Variants in SIPA1L1 observed in about 807,000 individuals in gnomAD.
The protein encoded by SIPA1L1 is signal-induced proliferation-associated 1-like protein 1.
SIPA1L1 carries 26 observed loss-of-function variants against 162.7 expected under a neutral mutation model. The observed-to-expected ratio is 0.16, with a 90% CI of 0.12 to 0.22. The LOEUF (loss-of-function observed/expected upper bound fraction) is 0.22. Among genes scored for constraint, SIPA1L1 ranks in the 10% least tolerant of loss-of-function variants. SIPA1L1 has a pLI of 1.00. For synonymous variants in SIPA1L1, 829 were observed against 837.4 expected, an observed-to-expected ratio of 0.99 and a Z score of 0.17; for missense variants, 1,874 against 2,241.0, an observed-to-expected ratio of 0.84 and a Z score of 3.31.
intron 2 of SIPA1L1, among the ~76,000 whole-genome samples, chr14:71,347,329 A>G (rs1350844961): frequency 6.6e-6 from 1 of 152,076 alleles, no homozygotes; most frequent in Admixed American, 6.6e-5. Context: ...AGCATATATC[A>G]TACTTTATTT....
chr14:71,526,075 T>C (rs997824606), intron 3 of SIPA1L1, among the ~76,000 whole-genome samples: 5 of 152,214 alleles, frequency 3.3e-5, no homozygotes, highest in Non-Finnish European at 7.3e-5. Context: ...GAACTTGCTT[T>C]GTGAGGGCAC....
At chr14:71,712,760 TA>T (rs1205658716) in intron 17 of SIPA1L1, among the ~76,000 whole-genome samples, 1 of 152,220 alleles carries the variant, frequency 6.6e-6, no homozygotes, top group Non-Finnish European at 1.5e-5. Context: ...ATGAGAAAGC[TA>T]AAAACCCTAC....
chr14:71,448,651 A>G (rs2045587592), intron 2 of SIPA1L1: 2 of 151,844 alleles, frequency 1.3e-5, no homozygotes, highest in South Asian at 2.1e-4. Context: ...TAGCCAAGAG[A>G]CTCTTCATAA....
chr14:71,349,100 G>A (rs1268736592), intron 2 of SIPA1L1, among the ~76,000 whole-genome samples: 1 of 152,202 alleles, frequency 6.6e-6, no homozygotes, highest in Non-Finnish European at 1.5e-5. Flanking sequence ...TATATATGAC[G>A]TGGGAGCTTT....
chr14:71,387,765 TTAACCAGCATCG>T (rs548490332), intron 2 of SIPA1L1, among the ~76,000 whole-genome samples: 176 of 152,360 alleles, frequency 1.2e-3, no homozygotes, highest in African/African-American at 4.0e-3. Context: ...AGGAAACTAC[TTAACCAGCATCG>T]TAACCCTTCG....
At chr14:71,618,955 C>G (rs1232496546) in intron 6 of SIPA1L1, 68 bp downstream of exon 6, 2 of 1,537,058 alleles carry the variant, frequency 1.3e-6, no homozygotes, top group Non-Finnish European at 1.8e-6. Context: ...GTAGCAGTAG[C>G]AAAGCAATTA....
At chr14:71,345,512 G>A (rs1203834914) in intron 2 of SIPA1L1, among the ~76,000 whole-genome samples, 1 of 151,648 alleles carries the variant, frequency 6.6e-6, no homozygotes, top group African/African-American at 2.4e-5. Context: ...TTCTGTATTT[G>A]CTTCATTAGA....
At chr14:71,620,957 G>T (rs182307002) in intron 6 of SIPA1L1, among the ~76,000 whole-genome samples, 7 of 152,118 alleles carry the variant, frequency 4.6e-5, no homozygotes, top group African/African-American at 1.7e-4. Flanking sequence ...TGTTTTTTAC[G>T]TTCAAATTAA....
intron 5 of SIPA1L1, among the ~76,000 whole-genome samples, 198 bp from the exon 6 acceptor site, chr14:71,618,559 A>T (rs545918950): frequency 2.9e-4 from 44 of 152,332 alleles, no homozygotes; most frequent in African/African-American, 9.4e-4. Flanking sequence ...ACCCGTGTTC[A>T]GTGTTATCTT....
chr14:71,363,478 C>T (rs1045630604), intron 2 of SIPA1L1, among the ~76,000 whole-genome samples: 1 of 152,088 alleles, frequency 6.6e-6, no homozygotes, highest in African/African-American at 2.4e-5. Flanking sequence ...CAAGTGAAAA[C>T]ATATTTTAGA....
At chr14:71,730,029 TC>T (rs1566751411) in intron 19 of SIPA1L1, 25 bp from the exon 20 acceptor site, 1 of 1,603,042 alleles carries the variant, frequency 6.2e-7, no homozygotes, top group African/African-American at 1.3e-5. Flanking sequence ...AAATTGACTT[TC>T]TTTTGTCTTG....
At chr14:71,735,598 A>G in intron 22 of SIPA1L1, 1 of 493,868 alleles carries the variant, frequency 2.0e-6, no homozygotes, top group Non-Finnish European at 3.6e-6. Context: ...ATACGGCCAT[A>G]ATGATGAATA....
At chr14:71,370,291 C>A (rs1262388694) in intron 2 of SIPA1L1, among the ~76,000 whole-genome samples, 2 of 151,724 alleles carry the variant, frequency 1.3e-5, no homozygotes, top group African/African-American at 2.4e-5. Context: ...ATTATATTGG[C>A]TGTGGGTTTG....
intron 2 of SIPA1L1, among the ~76,000 whole-genome samples, chr14:71,425,113 C>G (rs1366428766): frequency 6.6e-6 from 1 of 151,984 alleles, no homozygotes; most frequent in African/African-American, 2.4e-5. Context: ...TCCCCACTTT[C>G]ATTTTTGATT....
rs140793485 is a variant in SIPA1L1, at chr14:71,671,682, A to G, written c.2819A>G (p.Lys940Arg). The stretch of plus-strand genomic sequence containing the variant: ...ATTGAGGAGATCAAAGAGATTGTCA[A>G]AAGGTTGCAGGTGAGTCTCTCCTTC... ...INIEEIKEIV[K>R]RLQFVSKGCE... The change falls in exon 11 of 24, where the codon AAA (lysine) becomes AGA (arginine). Residue 940 changes from lysine (K) to arginine (R), a missense_variant. Coordinates refer to ENST00000381232, the MANE Select transcript of SIPA1L1 (RefSeq NM_001386936.1). The G allele has an allele frequency of 1.0e-4, 164 of 1,595,276 alleles. 2 individuals carry two copies. The highest frequency in any genetic ancestry group is 6.7e-4 in the Middle Eastern group (4 of 5,978).
intron 4 of SIPA1L1, among the ~76,000 whole-genome samples, chr14:71,546,372 C>CT (rs1567185819): frequency 1.3e-5 from 1 of 75,380 alleles, no homozygotes. Flanking sequence ...TTTTCTTTTT[C>CT]TTTCTTTTTT....
intron 2 of SIPA1L1, among the ~76,000 whole-genome samples, chr14:71,356,123 T>G (rs147744281): frequency 1.2e-3 from 182 of 152,308 alleles, no homozygotes; most frequent in African/African-American, 4.2e-3. Flanking sequence ...TCTTCCACTT[T>G]CCCTACATAA....
In SIPA1L1 at chr14:71,499,151, T is replaced by C. The variant is rs138368377; in HGVS notation, c.-464-13592T>C. Reference sequence around the variant, plus strand: ...TCAAGTCATTTTGATGCTTTTATTATAAATAAAACTTGATTAGTAGATTGT... The same window carrying C: ...TCAAGTCATTTTGATGCTTTTATTACAAATAAAACTTGATTAGTAGATTGT... On this transcript the variant is annotated intron_variant, in intron 2 of 23. Coordinates refer to ENST00000381232, the MANE Select transcript of SIPA1L1 (RefSeq NM_001386936.1). Among the ~76,000 whole-genome samples, 3 of 152,322 alleles carry C rather than the reference T, an allele frequency of 2.0e-5. No homozygotes were observed. In the South Asian group the frequency reaches 6.2e-4, roughly 32 times the overall value.
intron 2 of SIPA1L1, among the ~76,000 whole-genome samples, chr14:71,364,416 G>A (rs1319302943): frequency 1.3e-5 from 2 of 151,978 alleles, no homozygotes; most frequent in African/African-American, 2.4e-5. Context: ...TAGTCTGGCC[G>A]TTTCATGACT....
Sources: gnomAD v4.1 joint callset for allele counts (sites outside exome capture counted in the v4.1 genomes callset) on GRCh38, gnomAD v4.1.1 for gene constraint, MANE v1.5 for transcripts, NCBI Gene and HGNC (gene_info 2026-07-23, HGNC 2026-07-21) for gene names.